The following NRG3 variants were observed in gnomAD, a reference collection of about 807,000 sequenced individuals.
NRG3 encodes the protein pro-neuregulin-3, membrane-bound isoform.
NRG3 carries 31 observed loss-of-function variants against 66.9 expected under a neutral mutation model. That is an observed-to-expected ratio of 0.46 (90% CI 0.35 to 0.63). The LOEUF is 0.63. Ranked by LOEUF, NRG3 falls within the 20% of genes least tolerant of loss-of-function variation. NRG3 has a pLI of 0.00. For synonymous variants in NRG3, 393 were observed against 359.4 expected (o/e 1.09, Z -1.06); for missense variants, 910 against 878.9 (o/e 1.04, Z -0.45).
At chr10:82,758,241 T>C (rs1425753931) in intron 3 of NRG3, among the ~76,000 whole-genome samples, 1 of 152,110 alleles carries the variant, frequency 6.6e-6, no homozygotes, top group Non-Finnish European at 1.5e-5. Flanking sequence ...GTGTTGGGCA[T>C]AGCCCTGGAT....
chr10:82,875,368 T>C (rs976368871), intron 4 of NRG3, among the ~76,000 whole-genome samples: 9 of 152,202 alleles, frequency 5.9e-5, no homozygotes, highest in Non-Finnish European at 1.3e-4. Flanking sequence ...TTCTATTTTT[T>C]ATTTTTCAAG....
At chr10:82,341,984 G>C (rs2135399121) in intron 1 of NRG3, among the ~76,000 whole-genome samples, 1 of 151,976 alleles carries the variant, frequency 6.6e-6, no homozygotes, top group Admixed American at 6.6e-5. Flanking sequence ...TAAGCCTTGA[G>C]AGTCCTAGAT....
chr10:82,102,020 C>T (rs1157898165), intron 1 of NRG3, among the ~76,000 whole-genome samples: 90 of 116,284 alleles, frequency 7.7e-4, no homozygotes, highest in Non-Finnish European at 1.1e-3. Flanking sequence ...TATATATATA[C>T]GCACACATAT....
At chr10:82,877,697 C>G (rs1841963246) in intron 4 of NRG3, among the ~76,000 whole-genome samples, 1 of 151,968 alleles carries the variant, frequency 6.6e-6, no homozygotes, top group Non-Finnish European at 1.5e-5. Context: ...CCACATGGGA[C>G]AGACTTTTAA....
chr10:81,875,986 C>G lies in NRG3; in HGVS notation c.646C>G (p.Pro216Ala), dbSNP rs755214931. Residue 216 changes from proline to alanine, a missense_variant, in exon 1 of 9, where the codon CCA (proline) becomes GCA (alanine). Coordinates refer to ENST00000372141, the MANE Select transcript of NRG3 (RefSeq NM_001010848.4). This position sits in a 1 kb window ranked among gnomAD's most constrained non-coding sequence, Gnocchi z 5.3. ...CTCCCGACCCCCGGTGCCAGGAACT[C>G]CAAGTACCCAGGCAATGCCCTCCTG... The part of the protein sequence containing the change: ...LGSRPPVPGT[P>A]STQAMPSWPT... The G allele has an allele frequency of 6.2e-7, 1 of 1,614,092 alleles. No homozygotes were observed. Among genetic ancestry groups the G allele is most frequent in the Admixed American group, 1.7e-5 (1 of 60,030 alleles).
chr10:82,438,173 A>T (rs1052302036), intron 2 of NRG3, among the ~76,000 whole-genome samples: 3 of 152,232 alleles, frequency 2.0e-5, no homozygotes, highest in African/African-American at 7.2e-5. Flanking sequence ...GCTGCTTTGC[A>T]GAGACTGTGG....
intron 1 of NRG3, among the ~76,000 whole-genome samples, chr10:82,078,887 GA>G (rs1395352511): frequency 6.6e-6 from 1 of 152,146 alleles, no homozygotes; most frequent in Non-Finnish European, 1.5e-5. Context: ...GTTGCCTGGG[GA>G]AAGGACATAG....
In NRG3 at chr10:82,586,372, C is replaced by T. The variant is rs551259603; in HGVS notation, c.954-152205C>T. ...GCTCTAACAAAATTTTCATCAAAAC[C>T]GTATTCCCAAAATGGCCTTGAAAGG... On this transcript the variant is annotated intron_variant, in intron 2 of 8. Transcript: ENST00000372141. Among the ~76,000 whole-genome samples the T allele has an allele frequency of 6.9e-4, 105 of 152,196 alleles. 1 individual carries two copies. The highest frequency in any genetic ancestry group is 2.4e-3 in the African/African-American group (101 of 41,546).
At chr10:82,463,317 A>T (rs1249207178) in intron 2 of NRG3, among the ~76,000 whole-genome samples, 1 of 152,216 alleles carries the variant, frequency 6.6e-6, no homozygotes, top group Non-Finnish European at 1.5e-5. Context: ...TCCTAAGTAC[A>T]GTAGCAACAT....
At chr10:82,838,729 TAC>T (rs935138523) in intron 3 of NRG3, among the ~76,000 whole-genome samples, 4 of 152,194 alleles carry the variant, frequency 2.6e-5, no homozygotes, top group African/African-American at 9.6e-5. Flanking sequence ...TATATACATA[TAC>T]ACACACACAT....
chr10:82,753,557 T>A (rs1258499097), intron 3 of NRG3, among the ~76,000 whole-genome samples: 1 of 152,068 alleles, frequency 6.6e-6, no homozygotes, highest in Non-Finnish European at 1.5e-5. Context: ...CCTCTCTTCA[T>A]TTCTTTGTTT....
intron 1 of NRG3, among the ~76,000 whole-genome samples, chr10:82,338,885 G>A (rs146862195): frequency 2.0e-4 from 30 of 152,272 alleles, no homozygotes; most frequent in Non-Finnish European, 3.8e-4. Flanking sequence ...CATTAAGTTG[G>A]ATATTTAGAA....
Position 82,737,994 on chromosome 10 carries a change from G to A in NRG3, c.954-583G>A, listed in dbSNP as rs540228495. Among the ~76,000 whole-genome samples the A allele has an allele frequency of 3.3e-5, 5 of 152,032 alleles. No individual in the cohort carries two copies. In the East Asian group the frequency reaches 9.7e-4, roughly 29 times the overall value. On this transcript the variant is annotated intron_variant, in intron 2 of 8. Coordinates refer to ENST00000372141, the MANE Select transcript of NRG3 (RefSeq NM_001010848.4). ...AGAGAAAAAATCTGAGTTTAGAGAT[G>A]CCTTTCAGACCTTGCCGGATAAAAT... is the stretch of plus-strand genomic sequence containing the variant.
chr10:82,845,653 T>A (rs1262730345), intron 3 of NRG3, among the ~76,000 whole-genome samples: 1 of 152,092 alleles, frequency 6.6e-6, no homozygotes, highest in African/African-American at 2.4e-5. Context: ...AATAAGTCAA[T>A]GCAACATTTG....
At chr10:82,638,112 A>T (rs2050318069) in intron 2 of NRG3, among the ~76,000 whole-genome samples, 1 of 152,170 alleles carries the variant, frequency 6.6e-6, no homozygotes, top group South Asian at 2.1e-4. Context: ...AAACTGTAAA[A>T]TGAAACTATA....
At chr10:82,184,616 C>A (rs1462648618) in intron 1 of NRG3, among the ~76,000 whole-genome samples, 3 of 152,246 alleles carry the variant, frequency 2.0e-5, no homozygotes, top group Non-Finnish European at 4.4e-5. Context: ...CCATGACTTA[C>A]AATGAATTTG....
chr10:82,466,189 C>A (rs1840660589), intron 2 of NRG3, among the ~76,000 whole-genome samples: 1 of 152,112 alleles, frequency 6.6e-6, no homozygotes, highest in Admixed American at 6.5e-5. Context: ...CCTCCAACCT[C>A]TGTCTCTTCT....
chr10:82,982,125 T>C (rs529213154), intron 8 of NRG3, among the ~76,000 whole-genome samples: 2 of 152,286 alleles, frequency 1.3e-5, no homozygotes, highest in East Asian at 3.9e-4. Context: ...TGGCTGATGA[T>C]TTGTAAACGG....
intron 1 of NRG3, among the ~76,000 whole-genome samples, chr10:82,013,961 T>C (rs1037625282): frequency 1.6e-4 from 25 of 152,210 alleles, no homozygotes; most frequent in Non-Finnish European, 2.8e-4. Flanking sequence ...TCAATAGTTC[T>C]CAGGCATTTA....
Sources: allele counts gnomAD v4.1 joint callset (sites outside exome capture counted in the v4.1 genomes callset), GRCh38; gene constraint gnomAD v4.1.1; non-coding constraint Gnocchi (gnomAD v3.1); transcripts MANE v1.5; gene names NCBI Gene and HGNC (gene_info 2026-07-23, HGNC 2026-07-21).